LINGO2: variants seen among roughly 807,000 people sequenced by gnomAD.
LINGO2 encodes the protein leucine rich repeat and Ig domain containing 2, also known as leucine-rich repeat and immunoglobulin-like domain-containing nogo receptor-interacting protein 2.
A neutral mutation model predicts 30.6 loss-of-function variants in LINGO2; 14 were observed. That is an observed-to-expected ratio of 0.46 (90% confidence interval 0.30 to 0.72). The LOEUF (loss-of-function observed/expected upper bound fraction) is 0.72, where lower values mean the gene tolerates loss of function less well. Ranked by LOEUF, LINGO2 falls within the 30% of genes least tolerant of loss-of-function variation. LINGO2 has a pLI of 0.07. For missense variants in LINGO2, 729 were observed against 751.7 expected, an observed-to-expected ratio of 0.97 and a Z score of 0.35; for synonymous variants, 317 against 288.5, an observed-to-expected ratio of 1.10 and a Z score of -1.00.
At chr9:28,746,807 T>A in the LINGO2 span, among the ~76,000 whole-genome samples, 1,531 of 152,158 alleles carry the variant, frequency 0.01, 34 homozygotes, top group African/African-American at 0.036. Context: ...TCAGCCTGTG[T>A]TAGAGTTCTG....
the LINGO2 span, among the ~76,000 whole-genome samples, chr9:28,819,729 G>A: frequency 3.3e-3 from 500 of 152,286 alleles, 1 homozygote; most frequent in African/African-American, 0.011. Context: ...GGCAGAGCAC[G>A]TCATGAGAAA....
intron 2 of LINGO2, among the ~76,000 whole-genome samples, chr9:28,410,274 G>T (rs931194280): frequency 1.3e-5 from 2 of 152,002 alleles, no homozygotes; most frequent in Non-Finnish European, 2.9e-5. Flanking sequence ...TGTATATGAA[G>T]AAATTACGAA....
chr9:28,828,776 C>T, the LINGO2 span, among the ~76,000 whole-genome samples: 1 of 152,066 alleles, frequency 6.6e-6, no homozygotes, highest in Non-Finnish European at 1.5e-5. Context: ...GATGCTGAAC[C>T]TTCAGAGGAA....
the LINGO2 span, among the ~76,000 whole-genome samples, chr9:28,801,356 G>T: frequency 6.6e-6 from 1 of 151,934 alleles, no homozygotes; most frequent in African/African-American, 2.4e-5. Context: ...ATAATACCAA[G>T]AAATAATTTA....
At chr9:28,568,608 G>A (rs1416750850) in intron 1 of LINGO2, among the ~76,000 whole-genome samples, 1 of 151,874 alleles carries the variant, frequency 6.6e-6, no homozygotes, top group African/African-American at 2.4e-5. Context: ...AAAAAGACTT[G>A]TCACATATAA....
intron 2 of LINGO2, among the ~76,000 whole-genome samples, chr9:28,396,203 C>T (rs1044106969): frequency 1.3e-5 from 2 of 152,090 alleles, no homozygotes; most frequent in African/African-American, 4.8e-5. Context: ...CTGTTATAAG[C>T]ACTTTTTTAT....
At chr9:28,127,095 A>AAT (rs1827257722) in intron 4 of LINGO2, among the ~76,000 whole-genome samples, 2 of 152,100 alleles carry the variant, frequency 1.3e-5, no homozygotes, top group African/African-American at 4.8e-5. Context: ...TTTCGCTGGA[A>AAT]CTCAGTTCTG....
At chr9:28,949,633 A>T in the LINGO2 span, among the ~76,000 whole-genome samples, 7 of 152,152 alleles carry the variant, frequency 4.6e-5, no homozygotes, top group Non-Finnish European at 8.8e-5. Flanking sequence ...CTATCAACCA[A>T]AAAAAGCCCA....
At chr9:28,010,591 G>C (rs1822504500) in intron 5 of LINGO2, among the ~76,000 whole-genome samples, 1 of 152,146 alleles carries the variant, frequency 6.6e-6, no homozygotes, top group African/African-American at 2.4e-5. Context: ...GTTGCTCCCT[G>C]CAATATCCTC....
At chr9:28,393,475 G>A (rs934760212) in intron 2 of LINGO2, among the ~76,000 whole-genome samples, 20 of 152,284 alleles carry the variant, frequency 1.3e-4, no homozygotes, top group Admixed American at 7.2e-4. Context: ...TCAAGATCTG[G>A]TGTTTTGCTG....
At chr9:28,894,894 A>G in the LINGO2 span, among the ~76,000 whole-genome samples, 1 of 152,152 alleles carries the variant, frequency 6.6e-6, no homozygotes, top group Non-Finnish European at 1.5e-5. Flanking sequence ...AGTAATTTCA[A>G]GAACAAAACA....
In LINGO2 at chr9:28,368,967, G is replaced by A. The variant is rs190825557; in HGVS notation, c.-246+3869C>T. ...CCAGTACTTCTCCAGTTGAATTACA[G>A]AATTCACAAAGTATATCTCAAGTCT... On this transcript the variant is annotated intron_variant, in intron 3 of 5. Transcript: ENST00000379992. Among the ~76,000 whole-genome samples the A allele has an allele frequency of 2.1e-3, 325 of 152,278 alleles. 1 individual carries two copies. The highest frequency in any genetic ancestry group is 3.8e-3 in the Non-Finnish European group (260 of 68,006).
chr9:28,551,627 A>G (rs1384398434), intron 1 of LINGO2, among the ~76,000 whole-genome samples: 1 of 152,084 alleles, frequency 6.6e-6, no homozygotes, highest in Non-Finnish European at 1.5e-5. Context: ...CCTGCTTCTC[A>G]GAGGCAACCA....
chr9:28,336,436 C>A (rs1412905626), intron 3 of LINGO2, among the ~76,000 whole-genome samples: 1 of 152,106 alleles, frequency 6.6e-6, no homozygotes, highest in Non-Finnish European at 1.5e-5. Context: ...TCCAATTTAT[C>A]CATTTTTTCT....
the LINGO2 span, among the ~76,000 whole-genome samples, chr9:28,890,103 G>GT: frequency 6.6e-6 from 1 of 152,086 alleles, no homozygotes; most frequent in African/African-American, 2.4e-5. Context: ...ATATGCCCTT[G>GT]TAAGAGGCAG....
At chr9:28,687,909 T>A in the LINGO2 span, among the ~76,000 whole-genome samples, 1 of 152,218 alleles carries the variant, frequency 6.6e-6, no homozygotes, top group South Asian at 2.1e-4. Context: ...AAATCACAAT[T>A]GAAAAGCTTC....
At chr9:28,764,067 T>A in the LINGO2 span, among the ~76,000 whole-genome samples, 72,052 of 151,326 alleles carry the variant, frequency 0.48, 18,678 homozygotes, top group Non-Finnish European at 0.58. Context: ...AAGGACTAGA[T>A]GACTTAATGA....
At chr9:28,665,437 T>C (rs939827930) in intron 1 of LINGO2, among the ~76,000 whole-genome samples, 2 of 152,072 alleles carry the variant, frequency 1.3e-5, no homozygotes, top group South Asian at 2.1e-4. Flanking sequence ...CATGATCCAA[T>C]AGAATCATAA....
chr9:28,896,329 T>G, the LINGO2 span, among the ~76,000 whole-genome samples: 1 of 152,176 alleles, frequency 6.6e-6, no homozygotes, highest in East Asian at 1.9e-4. Context: ...TTTGTACCCA[T>G]TTGGTACATG....
Sources: gnomAD v4.1 joint callset for allele counts (sites outside exome capture counted in the v4.1 genomes callset) on GRCh38, gnomAD v4.1.1 for gene constraint, MANE v1.5 for transcripts, NCBI Gene and HGNC (gene_info 2026-07-23, HGNC 2026-07-21) for gene names.